The following RCC1L variants were observed in gnomAD, a reference collection of about 807,000 sequenced individuals.
The protein encoded by RCC1L is RCC1-like G exchanging factor-like protein.
RCC1L carries 46 observed loss-of-function variants against 58.6 expected under a neutral mutation model. That is an observed-to-expected ratio of 0.79 (90% CI 0.62 to 1.00). The LOEUF (loss-of-function observed/expected upper bound fraction) is 1.00. Among genes scored for constraint, RCC1L ranks in the 50% least tolerant of loss-of-function variants. RCC1L has a pLI of 0.00. For missense variants in RCC1L, 636 were observed against 623.6 expected (o/e 1.02, Z -0.21); for synonymous variants, 281 against 262.9 (o/e 1.07, Z -0.67).
chr7:75,028,959 G>A (rs1172013166), intron 10 of RCC1L, among the ~76,000 whole-genome samples: 2 of 152,104 alleles, frequency 1.3e-5, no homozygotes, highest in African/African-American at 4.8e-5. Flanking sequence ...AAAGGAAGGA[G>A]CTGGGGGATC....
intron 6 of RCC1L, among the ~76,000 whole-genome samples, chr7:75,060,944 C>T (rs1477853532): frequency 6.6e-6 from 1 of 152,024 alleles, no homozygotes; most frequent in Non-Finnish European, 1.5e-5. Context: ...CTTGGTGGCT[C>T]ACACCTGTTG....
At chr7:75,033,501 C>G (rs1805361877) in intron 10 of RCC1L, among the ~76,000 whole-genome samples, 3 of 152,024 alleles carry the variant, frequency 2.0e-5, no homozygotes, top group Non-Finnish European at 4.4e-5. Flanking sequence ...TCGAGACCAG[C>G]CTGGCCAAAA....
rs1165938365 is a variant in RCC1L at position 75,072,161 on chromosome 7, C to CATATATATATATATATAT, written c.324+1235_324+1252dup. Among the ~76,000 whole-genome samples, 128 of 46,322 alleles carry CATATATATATATATATAT rather than the reference C, an allele frequency of 2.8e-3. 3 individuals carry two copies. Among genetic ancestry groups the CATATATATATATATATAT allele is most frequent in the African/African-American group, 6.3e-3 (108 of 17,226 alleles). 30.4% of individuals were successfully genotyped at this position (46,322 alleles called of 152,430 possible). On this transcript the variant is annotated intron_variant, in intron 1 of 10. Coordinates refer to ENST00000610322, the MANE Select transcript of RCC1L (RefSeq NM_030798.5). ...ATTTATACATATACATATACATATA[C>CATATATATATATATATAT]ATATATATATATATATATATATATA...
intron 10 of RCC1L, among the ~76,000 whole-genome samples, chr7:75,043,589 C>A (rs931644526): frequency 6.6e-6 from 1 of 152,196 alleles, no homozygotes; most frequent in African/African-American, 2.4e-5. Context: ...AGGGGCTGGG[C>A]GCTGTAGCTC....
intron 10 of RCC1L, among the ~76,000 whole-genome samples, chr7:75,051,710 G>A (rs1297081703): frequency 6.6e-6 from 1 of 152,172 alleles, no homozygotes; most frequent in Non-Finnish European, 1.5e-5. Flanking sequence ...CACACCTGGT[G>A]CAAGTCCTTT....
At chr7:75,052,895 C>G (rs1039573362) in intron 9 of RCC1L, 99 bp from the exon 10 acceptor site, 3 of 1,078,288 alleles carry the variant, frequency 2.8e-6, no homozygotes, top group African/African-American at 1.6e-5. Context: ...GAACCAGATA[C>G]CTACAGAGCC....
chr7:75,057,530 G>GT lies in RCC1L; in HGVS notation c.1055dup (p.Asn352LysfsTer27), dbSNP rs1468473031. The GT allele has an allele frequency of 1.2e-6, 2 of 1,613,726 alleles. No homozygotes were observed. The highest frequency in any genetic ancestry group is 1.3e-5 in the African/African-American group (1 of 74,880). On this transcript the variant is annotated frameshift_variant and splice_region_variant, in exon 8 of 11. Transcript: ENST00000610322. LOFTEE classifies it high-confidence loss of function. ...GAGCCACCGGAAAGAAGGTCTCACC[G>GT]TTTAACACTGCACAGCCCGTGCCAC...
intron 7 of RCC1L, chr7:75,057,861 T>C: frequency 1.9e-6 from 1 of 536,170 alleles, no homozygotes; most frequent in South Asian, 2.0e-5. Context: ...AAAATTAACA[T>C]AAAATGACAT....
chr7:75,044,600 A>G (rs1278956774), intron 10 of RCC1L, among the ~76,000 whole-genome samples: 6 of 31,530 alleles, frequency 1.9e-4, no homozygotes, highest in East Asian at 6.8e-3. Context: ...CTCTGTCTCG[A>G]AAAAAAAAAA....
chr7:75,048,266 C>CAAA (rs1166086711), intron 10 of RCC1L, among the ~76,000 whole-genome samples: 19 of 95,730 alleles, frequency 2.0e-4, no homozygotes, highest in African/African-American at 6.5e-4. Flanking sequence ...GACATCGCCT[C>CAAA]AAAAAAAAAA....
chr7:75,069,757 G>GT (rs1806651322), intron 2 of RCC1L, among the ~76,000 whole-genome samples: 1 of 151,660 alleles, frequency 6.6e-6, no homozygotes, highest in African/African-American at 2.4e-5. Context: ...TAGAGACGGG[G>GT]TTTCACCATG....
intron 6 of RCC1L, among the ~76,000 whole-genome samples, chr7:75,059,998 G>A (rs943723160): frequency 6.6e-6 from 1 of 151,892 alleles, no homozygotes; most frequent in Non-Finnish European, 1.5e-5. Flanking sequence ...TCTTGACCTC[G>A]TGATCCACCT....
chr7:75,066,802 A>G lies in RCC1L; in HGVS notation c.455-10T>C, dbSNP rs782024036. The G allele has an allele frequency of 6.2e-7, 1 of 1,600,272 alleles. No homozygotes were observed. Among genetic ancestry groups the G allele is most frequent in the Admixed American group, 1.8e-5 (1 of 56,610 alleles). On this transcript the variant is annotated splice_polypyrimidine_tract_variant and intron_variant, in intron 2 of 10. Transcript: ENST00000610322. The stretch of plus-strand genomic sequence containing the variant: ...TACTCGTAGCCCCTCGCTGGAAAAG[A>G]CACAGGACACTGATTGAGGCATGCA...
downstream of RCC1L, among the ~76,000 whole-genome samples, chr7:75,041,171 G>A (rs1258813030): frequency 4.6e-5 from 7 of 152,076 alleles, no homozygotes; most frequent in South Asian, 2.1e-4. Flanking sequence ...CCGAGATCGC[G>A]CCACTGCACT....
rs1310492748 is a variant in RCC1L at position 75,056,788 on chromosome 7, T to C, written c.1058-714A>G. On this transcript the variant is annotated intron_variant, in intron 8 of 10. Transcript: ENST00000610322. The stretch of plus-strand genomic sequence containing the variant: ...ACTTCATTCACACCCTGTAATGCCA[T>C]CTTCTAATCCAATGCCATCTTCCCA... 7.0e-6 allele frequency: 10 copies of C among 1,437,314 alleles called. No individual in the cohort carries two copies. In the Admixed American group the frequency reaches 1.2e-4, roughly 17 times the overall value. The allele number at this position is 1,437,314 out of a possible 1,614,324, so 89.0% of individuals were successfully genotyped here. A position where few individuals can be genotyped will look rare whatever the true frequency, so the allele number is the denominator to read the frequency against.
Position 75,067,034 on chromosome 7 carries a change from G to A in RCC1L, c.455-242C>T, listed in dbSNP as rs145203420. On this transcript the variant is annotated intron_variant, in intron 2 of 10. Transcript: ENST00000610322. Reference sequence around the variant, plus strand: ...CTTGGTCTTCTGGCTGGGCGCAGTGGCTCATGCCTGTAATCCCAGCACTTT... The same window carrying A: ...CTTGGTCTTCTGGCTGGGCGCAGTGACTCATGCCTGTAATCCCAGCACTTT... Among the ~76,000 whole-genome samples, 746 of 152,308 alleles carry A rather than the reference G, an allele frequency of 4.9e-3. 7 individuals are homozygous for A. Among genetic ancestry groups the A allele is most frequent in the African/African-American group, 0.017 (696 of 41,580 alleles).
At chr7:75,053,955 C>A (rs945633979) in intron 9 of RCC1L, among the ~76,000 whole-genome samples, 1 of 152,152 alleles carries the variant, frequency 6.6e-6, no homozygotes, top group Non-Finnish European at 1.5e-5. Context: ...CAGGCTGCGA[C>A]GCAGTGGCAC....
chr7:75,063,893 CTGTGTAACACAGT>C (rs1806362688), intron 4 of RCC1L, among the ~76,000 whole-genome samples: 1 of 151,302 alleles, frequency 6.6e-6, no homozygotes, highest in Non-Finnish European at 1.5e-5. Flanking sequence ...GCACTCCAGC[CTGTGTAACACAGT>C]GAGACTCCAC....
chr7:75,070,716 C>T lies in RCC1L; in HGVS notation c.378G>A (p.Ala126=), dbSNP rs1292621234. The T allele has an allele frequency of 6.2e-6, 10 of 1,614,032 alleles. No homozygotes were observed. In the East Asian group the frequency reaches 8.9e-5, roughly 14 times the overall value. Residue 126 remains alanine, a synonymous_variant, in exon 2 of 11, where the codon GCG becomes GCA. Transcript: ENST00000610322. ...YGFTLLSSKT[A]DVTKVWGMGL... is the part of the protein sequence containing the mutation. ...CCATCCCCCAGACTTTCGTAACATC[C>T]GCAGTCTTAGAGGACAGCAGTGTGA... is the stretch of plus-strand genomic sequence containing the variant.
Sources: allele counts gnomAD v4.1 joint callset (sites outside exome capture counted in the v4.1 genomes callset), GRCh38; gene constraint gnomAD v4.1.1; transcripts MANE v1.5; gene names NCBI Gene and HGNC (gene_info 2026-07-23, HGNC 2026-07-21).